BMP5: variants seen among roughly 807,000 people sequenced by gnomAD.
BMP5 encodes bone morphogenetic protein 5.
BMP5 carries 23 observed loss-of-function variants against 46.6 expected under a neutral mutation model. The ratio of observed to expected loss-of-function variants is 0.49; its 90% CI spans 0.35 to 0.70. The LOEUF (loss-of-function observed/expected upper bound fraction) is 0.70. BMP5 is among the 30% of genes least tolerant of loss of function. The pLI, the probability that BMP5 is intolerant of heterozygous loss-of-function variation, is 0.00. For missense variants in BMP5, 545 were observed against 565.6 expected (o/e 0.96, Z 0.37); for synonymous variants, 204 against 191.9 (o/e 1.06, Z -0.52).
In BMP5 at chr6:55,874,938, T is replaced by C; in HGVS notation, c.-73A>G. ...TAAAAAAAAAAAAAACCTAAGGTTC[T>C]AGGAGGTACAGTTTCCCAGTAGCTG... On this transcript the variant is annotated 5_prime_UTR_variant, in exon 1 of 7. Coordinates refer to ENST00000370830, the MANE Select transcript of BMP5 (RefSeq NM_021073.4). 8 of 1,535,442 alleles carry C rather than the reference T, an allele frequency of 5.2e-6. No individual in the cohort carries two copies. Among genetic ancestry groups the C allele is most frequent in the Non-Finnish European group, 6.2e-6 (7 of 1,135,780 alleles).
chr6:55,854,498 A>G (rs190205289), intron 1 of BMP5, among the ~76,000 whole-genome samples: 1 of 151,950 alleles, frequency 6.6e-6, no homozygotes, highest in Non-Finnish European at 1.5e-5. Flanking sequence ...ATATGTGTGT[A>G]TATATGCATA....
chr6:55,783,438 T>C (rs938250914), intron 3 of BMP5, among the ~76,000 whole-genome samples: 1 of 151,994 alleles, frequency 6.6e-6, no homozygotes, highest in Non-Finnish European at 1.5e-5. Flanking sequence ...CATGCCAAAA[T>C]TTAACTCTCA....
At chr6:55,840,057 G>A (rs58686959) in intron 1 of BMP5, among the ~76,000 whole-genome samples, 3,990 of 151,946 alleles carry the variant, frequency 0.026, 135 homozygotes, top group African/African-American at 0.07. Context: ...ATCACAGTTC[G>A]CCTCTTTATT....
At chr6:55,871,371 G>C (rs1777784636) in intron 1 of BMP5, among the ~76,000 whole-genome samples, 1 of 151,738 alleles carries the variant, frequency 6.6e-6, no homozygotes, top group African/African-American at 2.4e-5. Flanking sequence ...TGATAAAAGT[G>C]GCCTAAGAAT....
At chr6:55,802,990 A>C (rs939497500) in intron 2 of BMP5, among the ~76,000 whole-genome samples, 2 of 152,010 alleles carry the variant, frequency 1.3e-5, no homozygotes, top group Non-Finnish European at 2.9e-5. Flanking sequence ...TACATTTTTT[A>C]TAAGTTATGA....
chr6:55,856,815 TA>T (rs1030140725), intron 1 of BMP5, among the ~76,000 whole-genome samples: 6 of 152,146 alleles, frequency 3.9e-5, no homozygotes, highest in Non-Finnish European at 8.8e-5. Context: ...CCATTTAATT[TA>T]ATATTATTAA....
intron 1 of BMP5, among the ~76,000 whole-genome samples, chr6:55,831,282 G>A (rs1776658272): frequency 2.0e-5 from 3 of 152,200 alleles, no homozygotes; most frequent in South Asian, 4.1e-4. Context: ...ATGCTAAGTT[G>A]CTAATCAGCA....
intron 2 of BMP5, among the ~76,000 whole-genome samples, chr6:55,808,611 C>T (rs1261569501): frequency 6.6e-6 from 1 of 152,166 alleles, no homozygotes; most frequent in Non-Finnish European, 1.5e-5. Flanking sequence ...TGGGCTCACA[C>T]GTGGGATCTT....
intron 2 of BMP5, among the ~76,000 whole-genome samples, chr6:55,817,493 C>A (rs1007269106): frequency 6.6e-6 from 1 of 151,912 alleles, no homozygotes; most frequent in Non-Finnish European, 1.5e-5. Flanking sequence ...AGCAAACTAT[C>A]GCAAGGACAA....
At chr6:55,787,740 T>C (rs897435331) in intron 3 of BMP5, among the ~76,000 whole-genome samples, 2 of 151,604 alleles carry the variant, frequency 1.3e-5, no homozygotes, top group Non-Finnish European at 3.0e-5. Flanking sequence ...AATGTAAAAT[T>C]ACCCACTTTC....
intron 1 of BMP5, among the ~76,000 whole-genome samples, chr6:55,851,251 T>C (rs1231545899): frequency 6.6e-6 from 1 of 152,124 alleles, no homozygotes; most frequent in African/African-American, 2.4e-5. Context: ...CTGTGCTATT[T>C]TTTCTTTCAG....
At position 55,813,350 on chromosome 6, in the gene BMP5, G is replaced by A. The variant is rs1278035401; in HGVS notation, c.683+6305C>T. On this transcript the variant is annotated intron_variant, in intron 2 of 6. Transcript: ENST00000370830. ...TTAAAATGTAAATTACCCACAGCCT[G>A]CAATGAATATTTGATGGGTTCCTTC... is the stretch of plus-strand genomic sequence containing the variant. Among the ~76,000 whole-genome samples the A allele has an allele frequency of 3.3e-5, 5 of 151,716 alleles. No individual in the cohort carries two copies. The East Asian group carries it at 7.7e-4, about 23-fold the overall frequency.
chr6:55,770,898 T>C (rs945240908), intron 4 of BMP5, among the ~76,000 whole-genome samples: 4 of 151,932 alleles, frequency 2.6e-5, no homozygotes, highest in Non-Finnish European at 5.9e-5. Context: ...CCATCTTATA[T>C]GGGTAAAATT....
chr6:55,827,628 G>T (rs562721396), intron 1 of BMP5, among the ~76,000 whole-genome samples: 1 of 151,626 alleles, frequency 6.6e-6, no homozygotes, highest in Non-Finnish European at 1.5e-5. Context: ...TATACACATA[G>T]TTTACTATTG....
chr6:55,840,281 T>G (rs988072638), intron 1 of BMP5, among the ~76,000 whole-genome samples: 1 of 152,274 alleles, frequency 6.6e-6, no homozygotes, highest in African/African-American at 2.4e-5. Context: ...TTCTTAGGAC[T>G]TTAAAAATAC....
At chr6:55,823,812 T>C (rs1776465471) in intron 1 of BMP5, among the ~76,000 whole-genome samples, 1 of 151,932 alleles carries the variant, frequency 6.6e-6, no homozygotes, top group East Asian at 1.9e-4. Flanking sequence ...ACACACCTCC[T>C]CCTATCTTTA....
intron 1 of BMP5, among the ~76,000 whole-genome samples, chr6:55,839,264 T>C (rs1776893735): frequency 6.6e-6 from 1 of 152,038 alleles, no homozygotes; most frequent in Non-Finnish European, 1.5e-5. Flanking sequence ...TTTATTTATT[T>C]AGGGGTTTTA....
intron 2 of BMP5, among the ~76,000 whole-genome samples, chr6:55,803,705 C>T (rs1021886423): frequency 3.3e-5 from 5 of 152,170 alleles, no homozygotes; most frequent in African/African-American, 1.2e-4. Flanking sequence ...TCTGCAAGAT[C>T]ACCTCCTTCA....
chr6:55,783,496 T>C (rs573146105), intron 3 of BMP5, among the ~76,000 whole-genome samples: 37 of 152,116 alleles, frequency 2.4e-4, no homozygotes, highest in African/African-American at 8.7e-4. Flanking sequence ...GGATTAAAGG[T>C]TCTCTTTTCT....
Sources: gnomAD v4.1 joint callset for allele counts (sites outside exome capture counted in the v4.1 genomes callset) on GRCh38, gnomAD v4.1.1 for gene constraint, MANE v1.5 for transcripts, NCBI Gene and HGNC (gene_info 2026-07-23, HGNC 2026-07-21) for gene names.